The following USP36 variants were observed in gnomAD, a reference collection of about 807,000 sequenced individuals.
USP36 encodes the protein ubiquitin specific peptidase 36.
Under a neutral mutation model 111.5 loss-of-function variants are expected in USP36, and 59 were observed. The ratio of observed to expected loss-of-function variants is 0.53; its 90% CI spans 0.43 to 0.66. The LOEUF is 0.66. Among genes scored for constraint, USP36 ranks in the 30% least tolerant of loss-of-function variants. USP36 has a pLI of 0.00. For synonymous variants in USP36, 628 were observed against 581.0 expected (o/e 1.08, Z -1.16); for missense variants, 1,488 against 1,468.0 (o/e 1.01, Z -0.22).
Position 78,817,010 on chromosome 17 carries a change from G to A in USP36, c.1023+1657C>T, listed in dbSNP as rs139392617. 2.0e-5 allele frequency among the ~76,000 whole-genome samples: 3 copies of A among 152,302 alleles called. No individual in the cohort carries two copies. In the East Asian group the frequency reaches 5.8e-4, roughly 29 times the overall value. On this transcript the variant is annotated intron_variant, in intron 10 of 20. Transcript: ENST00000449938. ...CCATCAGTCATGTGCCACATAACAT[G>A]TTTTGGTCAATGACAGACCACATAT... is the stretch of plus-strand genomic sequence containing the variant.
At chr17:78,815,809 T>A (rs1025887936) in intron 10 of USP36, among the ~76,000 whole-genome samples, 1 of 151,106 alleles carries the variant, frequency 6.6e-6, no homozygotes, top group Non-Finnish European at 1.5e-5. Flanking sequence ...CATACATACA[T>A]CGTATACACA....
At chr17:78,826,712 CAT>C (rs1036255353) in intron 6 of USP36, 44 of 202,908 alleles carry the variant, frequency 2.2e-4, no homozygotes, top group African/African-American at 9.4e-4. Flanking sequence ...GCAACCATCA[CAT>C]ATAAGGGCTT....
chr17:78,819,812 C>G, intron 9 of USP36, 118 bp downstream of exon 9: 1 of 1,027,648 alleles, frequency 9.7e-7, no homozygotes, highest in Non-Finnish European at 1.4e-6. Context: ...ATAGGTTCCT[C>G]AAGAAATGCG....
In USP36 at chr17:78,807,232, G is replaced by A. The variant is rs1270458072; in HGVS notation, c.1812C>T (p.Gly604=). 3.1e-6 allele frequency: 5 copies of A among 1,614,074 alleles called. No homozygotes were observed. Among genetic ancestry groups the A allele is most frequent in the Non-Finnish European group, 4.2e-6 (5 of 1,179,988 alleles). ...AGCTGCTGGAGCCCCTCCTGTCGAGGCCAGCGCTCTCGTCGTTCCCCTTCA... is the reference window on the plus strand; with the variant it reads ...AGCTGCTGGAGCCCCTCCTGTCGAGACCAGCGCTCTCGTCGTTCCCCTTCA... ...HGLKGNDESA[G]LDRRGSSSSS... Residue 604 remains glycine (G), a synonymous_variant, in exon 14 of 21, where the codon GGC becomes GGT. Coordinates refer to ENST00000449938, the MANE Select transcript of USP36 (RefSeq NM_001385174.1).
chr17:78,812,799 G>A, intron 13 of USP36, 61 bp downstream of exon 13: 1 of 1,589,972 alleles, frequency 6.3e-7, no homozygotes, highest in South Asian at 1.1e-5. Context: ...TCCCAAGTGT[G>A]AGGAGGTCTG....
intron 1 of USP36, among the ~76,000 whole-genome samples, chr17:78,839,041 A>C (rs1245517238): frequency 6.6e-6 from 1 of 152,214 alleles, no homozygotes; most frequent in East Asian, 1.9e-4. Context: ...TCCAAAGAGT[A>C]AGAGGTAATA....
chr17:78,827,687 G>A (rs2067694296), intron 5 of USP36, among the ~76,000 whole-genome samples: 1 of 151,954 alleles, frequency 6.6e-6, no homozygotes, highest in Admixed American at 6.6e-5. Flanking sequence ...AGGATCACTT[G>A]AGCCCAGGAG....
chr17:78,818,521 C>T, intron 10 of USP36, 146 bp downstream of exon 10: 1 of 687,824 alleles, frequency 1.5e-6, no homozygotes, highest in South Asian at 2.0e-5. Flanking sequence ...ACAGTCCCTA[C>T]TTCACAATAT....
At position 78,836,173 on chromosome 17, in the gene USP36, T is replaced by A. The variant is rs1052354794; in HGVS notation, c.191A>T (p.Asn64Ile). 1 of 1,613,970 alleles carries A rather than the reference T, an allele frequency of 6.2e-7. No homozygotes were observed. The highest frequency in any genetic ancestry group is 1.3e-5 in the African/African-American group (1 of 74,894). ...EALKSKYVLL[N>I]PKTEGASRHK... is the part of the protein sequence containing the mutation. Reference sequence around the variant, plus strand: ...GCGACTAGCTCCCTCTGTTTTGGGGTTGAGCAACACATATTTGCTCTTTAA... The same window carrying A: ...GCGACTAGCTCCCTCTGTTTTGGGGATGAGCAACACATATTTGCTCTTTAA... The change falls in exon 3 of 21, where the codon AAC becomes ATC. Residue 64 changes from asparagine to isoleucine, a missense_variant. Transcript: ENST00000449938.
intron 17 of USP36, among the ~76,000 whole-genome samples, chr17:78,801,870 T>C (rs1481263170): frequency 2.0e-5 from 3 of 152,228 alleles, no homozygotes; most frequent in African/African-American, 7.2e-5. Context: ...ATGTGCACTG[T>C]AACCTCTCTC....
At chr17:78,804,330 A>G (rs1338839745) in intron 15 of USP36, among the ~76,000 whole-genome samples, 1 of 151,894 alleles carries the variant, frequency 6.6e-6, no homozygotes, top group Admixed American at 6.6e-5. Context: ...GCGTGGTGGC[A>G]CACGCCTGTA....
intron 4 of USP36, among the ~76,000 whole-genome samples, chr17:78,833,403 T>A (rs2145615439): frequency 6.6e-6 from 1 of 152,040 alleles, no homozygotes; most frequent in East Asian, 2.0e-4. Context: ...TGCCTCAGCC[T>A]CCCAAGTAGC....
Position 78,818,721 on chromosome 17 carries a change from G to C in USP36, c.969C>G (p.Val323=). The part of the protein sequence containing the change: ...KRFTIHRTSN[V]LTLSLKRFAN... Reference sequence around the variant, plus strand: ...CAAAGCGCTTGAGGGAAAGGGTTAAGACGTTGGATGTTCTGTGGATGGTGA... The same window carrying C: ...CAAAGCGCTTGAGGGAAAGGGTTAACACGTTGGATGTTCTGTGGATGGTGA... The change falls in exon 10 of 21, where the codon GTC becomes GTG. Residue 323 remains valine, a synonymous_variant. Transcript: ENST00000449938. The C allele has an allele frequency of 6.2e-7, 1 of 1,614,074 alleles. No individual in the cohort carries two copies. Among genetic ancestry groups the C allele is most frequent in the Non-Finnish European group, 8.5e-7 (1 of 1,179,940 alleles).
chr17:78,818,765 CCTT>C lies in USP36; in HGVS notation c.922_924del (p.Lys308del), dbSNP rs1599045004. ...ATGGTGAAGCGCTTGCTGGCTGGAA[CCTT>C]CTTCTTGCATCTATGAAGAAGGTGA... On this transcript the variant is annotated inframe_deletion, in exon 10 of 21. Transcript: ENST00000449938. 3.1e-6 allele frequency: 5 copies of C among 1,613,908 alleles called. No individual in the cohort carries two copies. Among genetic ancestry groups the C allele is most frequent in the Non-Finnish European group, 4.2e-6 (5 of 1,179,888 alleles).
At position 78,798,826 on chromosome 17, in the gene USP36, C is replaced by T. The variant is rs139867295; in HGVS notation, c.3240+82G>A. 3,047 of 1,526,558 alleles carry T rather than the reference C, an allele frequency of 2.0e-3. 2 individuals are homozygous for T. The highest frequency in any genetic ancestry group is 2.4e-3 in the Non-Finnish European group (2,637 of 1,109,388). 94.6% of individuals were successfully genotyped at this position (1,526,558 alleles called of 1,614,324 possible). On this transcript the variant is annotated intron_variant, in intron 19 of 20. Coordinates refer to ENST00000449938, the MANE Select transcript of USP36 (RefSeq NM_001385174.1). The surrounding 1 kb of genome is among the most constrained non-coding windows in gnomAD (Gnocchi z 5.1). ...ATGCTCGGCCGCTTCATGCCACTGC[C>T]GCCACCTCCAACTGCCCCGGCTCTG...
downstream of USP36, among the ~76,000 whole-genome samples, chr17:78,794,166 T>G (rs906160823): frequency 1.3e-5 from 2 of 152,208 alleles, no homozygotes; most frequent in Admixed American, 1.3e-4. Context: ...ATCTCTTAGC[T>G]CTAGCCTTGG....
rs779592769 is a variant in USP36 at position 78,806,228 on chromosome 17, G to C, written c.2144C>G (p.Ser715Cys). The C allele has an allele frequency of 1.9e-6, 3 of 1,613,900 alleles. No homozygotes were observed. In the East Asian group the frequency reaches 6.7e-5, roughly 36 times the overall value. ...NDLRPPPPSP[S>C]SDLTHPMKTS... is the part of the protein sequence containing the mutation. The stretch of plus-strand genomic sequence containing the variant: ...TTTCATGGGGTGGGTGAGGTCGGAG[G>C]ATGGTGAGGGGGGAGGTGGACGGAG... The change falls in exon 15 of 21, where the codon TCC (serine) becomes TGC (cysteine). Residue 715 changes from serine (S) to cysteine (C), a missense_variant. By Grantham distance (112) the Ser-to-Cys change is moderately radical (BLOSUM62 -1). Around this residue, in one of 3 missense-constraint regions of USP36, gnomAD observed 1,073 missense variants for 994.1 expected, o/e 1.08. Transcript: ENST00000449938.
At chr17:78,804,495 C>CAAAAA (rs10590690) in intron 15 of USP36, among the ~76,000 whole-genome samples, 5 of 136,284 alleles carry the variant, frequency 3.7e-5, no homozygotes, top group Admixed American at 7.5e-5. Context: ...AAAACAAAAA[C>CAAAAA]AAAAAAAAAA....
intron 4 of USP36, among the ~76,000 whole-genome samples, chr17:78,834,350 T>C (rs2068447582): frequency 6.6e-6 from 1 of 152,106 alleles, no homozygotes; most frequent in Non-Finnish European, 1.5e-5. Context: ...GACTCTTCAC[T>C]TTCTATTTCT....
Sources: gnomAD v4.1 joint callset for allele counts (sites outside exome capture counted in the v4.1 genomes callset) on GRCh38, gnomAD v4.1.1 for gene constraint, gnomAD v4.1.1 regional missense constraint, Gnocchi (gnomAD v3.1) non-coding constraint, MANE v1.5 for transcripts, NCBI Gene and HGNC (gene_info 2026-07-23, HGNC 2026-07-21) for gene names.